The following POLH variants were observed in gnomAD, a reference collection of about 807,000 sequenced individuals.
The protein encoded by POLH is DNA polymerase eta.
A neutral mutation model predicts 73.6 loss-of-function variants in POLH; 53 were observed. The observed-to-expected ratio is 0.72, with a 90% CI of 0.58 to 0.91. The LOEUF is 0.91. POLH is among the 40% of genes least tolerant of loss of function. The pLI, the probability that POLH is intolerant of heterozygous loss-of-function variation, is 0.00. For missense variants in POLH, 768 were observed against 865.4 expected (o/e 0.89, Z 1.41); for synonymous variants, 292 against 308.5 (o/e 0.95, Z 0.56).
rs185032976 is a variant in POLH at position 43,619,516 on chromosome 6, T to A, written c.*4959T>A. On this transcript the variant is annotated 3_prime_UTR_variant, in exon 11 of 11. Transcript: ENST00000372236. ...CTGATACTCATTGGATGAATGTATA[T>A]AGTGAAGAATTTTAGATCTGATTAC... Among the ~76,000 whole-genome samples the A allele has an allele frequency of 8.8e-4, 134 of 152,178 alleles. No individual in the cohort carries two copies. The highest frequency in any genetic ancestry group is 3.0e-3 in the African/African-American group (126 of 41,516).
chr6:43,614,838 T>G lies in POLH; in HGVS notation c.*281T>G, dbSNP rs559642468. On this transcript the variant is annotated 3_prime_UTR_variant, in exon 11 of 11. Coordinates refer to ENST00000372236, the MANE Select transcript of POLH (RefSeq NM_006502.3). Reference sequence around the variant, plus strand: ...AGTAAAAAGTGTGTGGGCCTTGGAGTCTAAGAGACGTGGTTGCAAACTTAG... The same window carrying G: ...AGTAAAAAGTGTGTGGGCCTTGGAGGCTAAGAGACGTGGTTGCAAACTTAG... The G allele has an allele frequency of 1.9e-3, 767 of 399,766 alleles. 3 individuals carry two copies. The highest frequency in any genetic ancestry group is 2.9e-3 in the Non-Finnish European group (646 of 222,912). The allele number at this position is 399,766 out of a possible 1,614,324, so 24.8% of individuals were successfully genotyped here. A position where few individuals can be genotyped will look rare whatever the true frequency, so the allele number is the denominator to read the frequency against.
rs762464167 is a variant in POLH at position 43,613,610 on chromosome 6, T to C, written c.1245-50T>C. On this transcript the variant is annotated intron_variant, in intron 10 of 10. Coordinates refer to ENST00000372236, the MANE Select transcript of POLH (RefSeq NM_006502.3). The stretch of plus-strand genomic sequence containing the variant: ...TCATGGAATTAGCAATAGGTCACTA[T>C]TTTAATCTTCTAAATTGCTAATCAT... 3.4e-6 allele frequency: 5 copies of C among 1,465,308 alleles called. No individual in the cohort carries two copies. The South Asian group carries it at 5.7e-5, about 17-fold the overall frequency. The allele number at this position is 1,465,308 out of a possible 1,614,324, so 90.8% of individuals were successfully genotyped here. A position where few individuals can be genotyped will look rare whatever the true frequency, so the allele number is the denominator to read the frequency against.
chr6:43,610,004 A>T (rs921861715), intron 9 of POLH, among the ~76,000 whole-genome samples: 1 of 151,466 alleles, frequency 6.6e-6, no homozygotes, highest in African/African-American at 2.4e-5. Context: ...TTGTGGAACC[A>T]TGTAATCAGA....
chr6:43,580,943 G>T (rs1232475999), intron 1 of POLH, among the ~76,000 whole-genome samples: 2 of 146,746 alleles, frequency 1.4e-5, no homozygotes, highest in African/African-American at 5.1e-5. Flanking sequence ...GCGGGGGGCT[G>T]ACCCCCCCAC....
At chr6:43,605,159 C>A in intron 8 of POLH, 95 bp from the exon 9 acceptor site, 1 of 767,074 alleles carries the variant, frequency 1.3e-6, no homozygotes, top group Non-Finnish European at 2.3e-6. Context: ...GTGCACAATT[C>A]TGTTTGGGAG....
At position 43,614,527 on chromosome 6, in the gene POLH, G is replaced by A. The variant is rs1312006618; in HGVS notation, c.2112G>A (p.Leu704=). 6 of 1,613,754 alleles carry A rather than the reference G, an allele frequency of 3.7e-6. No individual in the cohort carries two copies. In the African/African-American group the frequency reaches 5.3e-5, roughly 14 times the overall value. ...CCAGGCCTGAGGGCATGCAAACATT[G>A]GAATCATTTTTTAAGCCATTAACAC... ...KRPRPEGMQT[L]ESFFKPLTH is the part of the protein sequence containing the mutation. The change falls in exon 11 of 11, where the codon TTG becomes TTA. Residue 704 remains leucine, a synonymous_variant. Coordinates refer to ENST00000372236, the MANE Select transcript of POLH (RefSeq NM_006502.3).
intron 10 of POLH, among the ~76,000 whole-genome samples, chr6:43,613,221 A>T (rs947663032): frequency 6.6e-6 from 1 of 152,216 alleles, no homozygotes; most frequent in Non-Finnish European, 1.5e-5. Flanking sequence ...CCCTGTTTAA[A>T]AACAGGATAA....
chr6:43,611,380 CTCTA>C (rs1440803204), intron 10 of POLH, among the ~76,000 whole-genome samples: 3 of 152,224 alleles, frequency 2.0e-5, no homozygotes, highest in Admixed American at 6.5e-5. Context: ...CACTGATATT[CTCTA>C]TCTGACATCC....
intron 4 of POLH, among the ~76,000 whole-genome samples, chr6:43,596,634 C>T (rs1348383084): frequency 6.6e-6 from 1 of 152,014 alleles, no homozygotes; most frequent in Non-Finnish European, 1.5e-5. Flanking sequence ...GGATTTTAAG[C>T]CCTTAATAGA....
chr6:43,619,892 G>T lies in POLH; in HGVS notation c.*5335G>T, dbSNP rs1342423148. Among the ~76,000 whole-genome samples, 3 of 152,146 alleles carry T rather than the reference G, an allele frequency of 2.0e-5. No homozygotes were observed. The highest frequency in any genetic ancestry group is 7.2e-5 in the African/African-American group (3 of 41,424). On this transcript the variant is annotated 3_prime_UTR_variant, in exon 11 of 11. Coordinates refer to ENST00000372236, the MANE Select transcript of POLH (RefSeq NM_006502.3). The stretch of plus-strand genomic sequence containing the variant: ...GAAGCTATCACTTTAATACTCTAGA[G>T]GCAGAATGCCACATAGGACTTTGGG...
At chr6:43,598,235 T>C (rs1330429768) in intron 5 of POLH, among the ~76,000 whole-genome samples, 16 of 150,842 alleles carry the variant, frequency 1.1e-4, no homozygotes, top group Non-Finnish European at 1.5e-5. Flanking sequence ...ACACATGTAC[T>C]TTGAATGGAT....
chr6:43,620,036 G>T lies in POLH; in HGVS notation c.*5479G>T, dbSNP rs1235163756. ...AGTATGAACATGGAAACAGGAGCAG[G>T]GACTAAGGTTTGGTCAAGTGGCCCT... On this transcript the variant is annotated 3_prime_UTR_variant, in exon 11 of 11. Coordinates refer to ENST00000372236, the MANE Select transcript of POLH (RefSeq NM_006502.3). The T allele has an allele frequency of 7.1e-6, 2 of 283,088 alleles. No individual in the cohort carries two copies. The highest frequency in any genetic ancestry group is 1.4e-5 in the Non-Finnish European group (2 of 147,302). The allele number at this position is 283,088 out of a possible 1,614,324, so 17.5% of individuals were successfully genotyped here.
rs1161644669 is a variant in POLH, at chr6:43,615,913, C to T, written c.*1356C>T. On this transcript the variant is annotated 3_prime_UTR_variant, in exon 11 of 11. Coordinates refer to ENST00000372236, the MANE Select transcript of POLH (RefSeq NM_006502.3). Reference sequence around the variant, plus strand: ...GTCTCGATTGCTTGACCTCATGATCCGCCTGCCTCGACCTCCCAAAGTTGC... The same window carrying T: ...GTCTCGATTGCTTGACCTCATGATCTGCCTGCCTCGACCTCCCAAAGTTGC... Among the ~76,000 whole-genome samples, 8 of 151,930 alleles carry T rather than the reference C, an allele frequency of 5.3e-5. No homozygotes were observed. In the East Asian group the frequency reaches 5.9e-4, roughly 11 times the overall value.
rs1765559702 is a variant in POLH, at chr6:43,592,411, T to TC, written c.490+4922_490+4923insC. ...TTTGCAGCTTTGTATCTTCTTTTTT[T>TC]TTTTTTTTTTTGGAGAGGGAGTCTC... On this transcript the variant is annotated intron_variant, in intron 4 of 10. Transcript: ENST00000372236. Among the ~76,000 whole-genome samples the TC allele has an allele frequency of 5.3e-5, 8 of 150,014 alleles. No individual in the cohort carries two copies. In the South Asian group the frequency reaches 1.1e-3, roughly 20 times the overall value.
At chr6:43,609,831 C>T (rs1178956305) in intron 9 of POLH, among the ~76,000 whole-genome samples, 1 of 152,040 alleles carries the variant, frequency 6.6e-6, no homozygotes, top group African/African-American at 2.4e-5. Flanking sequence ...TTATAATTGT[C>T]CTGCTTAGAC....
chr6:43,582,272 G>T (rs774092444), intron 1 of POLH, 44 bp from the exon 2 acceptor site: 21 of 1,587,510 alleles, frequency 1.3e-5, no homozygotes, highest in Non-Finnish European at 1.8e-5. Flanking sequence ...CTGGCATTTT[G>T]GATTAGGTGT....
Position 43,612,346 on chromosome 6 carries a change from CT to C in POLH, c.1245-1297del, listed in dbSNP as rs112706817. Among the ~76,000 whole-genome samples, 333 of 137,350 alleles carry C rather than the reference CT, an allele frequency of 2.4e-3. 1 individual carries two copies. Among genetic ancestry groups the C allele is most frequent in the Middle Eastern group, 3.7e-3 (1 of 270 alleles). 90.1% of individuals were successfully genotyped at this position (137,350 alleles called of 152,430 possible). A position where few individuals can be genotyped will look rare whatever the true frequency, so the allele number is the denominator to read the frequency against. On this transcript the variant is annotated intron_variant, in intron 10 of 10. Transcript: ENST00000372236. ...CATGAAACCTGAGGATATTGGGATACTTTTTTTTTTTTTTTTTGAGACGGAA... is the reference window on the plus strand; with the variant it reads ...CATGAAACCTGAGGATATTGGGATACTTTTTTTTTTTTTTTTGAGACGGAA...
intron 1 of POLH, among the ~76,000 whole-genome samples, chr6:43,580,067 T>C (rs939624068): frequency 2.9e-4 from 43 of 148,726 alleles, no homozygotes; most frequent in Non-Finnish European, 4.9e-4. Context: ...CCTTCCGCAG[T>C]GTTTGTGTCC....
chr6:43,581,294 T>A lies in POLH; in HGVS notation c.-4-1022T>A, dbSNP rs1201291198. Among the ~76,000 whole-genome samples, 555 of 132,490 alleles carry A rather than the reference T, an allele frequency of 4.2e-3. 6 individuals are homozygous for A. Among genetic ancestry groups the A allele is most frequent in the Admixed American group, 0.016 (211 of 13,514 alleles). 86.9% of individuals were successfully genotyped at this position (132,490 alleles called of 152,430 possible). ...GAGGCGCTCCCCACATCTCAGACGA[T>A]GGGCGGGCGGGCAGAGACGCTCCTC... On this transcript the variant is annotated intron_variant, in intron 1 of 10. Transcript: ENST00000372236.
Sources: allele counts gnomAD v4.1 joint callset (sites outside exome capture counted in the v4.1 genomes callset), GRCh38; gene constraint gnomAD v4.1.1; transcripts MANE v1.5; gene names NCBI Gene and HGNC (gene_info 2026-07-23, HGNC 2026-07-21).